ZYG11B: variants seen among roughly 807,000 people sequenced by gnomAD.
The protein encoded by ZYG11B is protein zyg-11 homolog B.
Under a neutral mutation model 82.4 loss-of-function variants are expected in ZYG11B, and 36 were observed. The ratio of observed to expected loss-of-function variants is 0.44; its 90% CI spans 0.33 to 0.58. ZYG11B has a LOEUF of 0.58. Ranked by LOEUF, ZYG11B falls within the 20% of genes least tolerant of loss-of-function variation. ZYG11B has a pLI of 0.02. For synonymous variants in ZYG11B, 303 were observed against 312.8 expected (o/e 0.97, Z 0.33); for missense variants, 552 against 895.6 (o/e 0.62, Z 4.90).
intron 4 of ZYG11B, among the ~76,000 whole-genome samples, chr1:52,783,814 A>ACACACACACACG (rs1309503962): frequency 4.1e-5 from 2 of 48,564 alleles, no homozygotes; most frequent in Admixed American, 2.7e-4. Context: ...ATACACACAC[A>ACACACACACACG]CGTATATGTA....
chr1:52,820,102 G>A (rs1645270515), intron 13 of ZYG11B, among the ~76,000 whole-genome samples: 1 of 150,692 alleles, frequency 6.6e-6, no homozygotes, highest in African/African-American at 2.4e-5. Flanking sequence ...TTTTAGTAGA[G>A]ACGGGGTTTC....
At chr1:52,819,927 T>A (rs969106795) in intron 13 of ZYG11B, among the ~76,000 whole-genome samples, 1 of 151,800 alleles carries the variant, frequency 6.6e-6, no homozygotes, top group African/African-American at 2.4e-5. Context: ...TTATTTTATT[T>A]TTTTTTTGAG....
rs1411025152 is a variant in ZYG11B at position 52,756,535 on chromosome 1, C to T, written c.108C>T (p.Ala36=). 3.7e-6 allele frequency: 6 copies of T among 1,613,960 alleles called. No homozygotes were observed. Among genetic ancestry groups the T allele is most frequent in the South Asian group, 1.1e-5 (1 of 91,078 alleles). ...LTTHLEKFCS[A]RQDGTLCLQE... ...CTCACCTTGAGAAGTTCTGTTCAGC[C>T]AGACAAGATGGAACATTGTGTCTGC... The change falls in exon 2 of 14, where the codon GCC becomes GCT. Residue 36 remains alanine, a synonymous_variant. Coordinates refer to ENST00000294353, the MANE Select transcript of ZYG11B (RefSeq NM_024646.3).
chr1:52,806,460 A>T (rs969171294), intron 10 of ZYG11B, among the ~76,000 whole-genome samples: 4 of 152,184 alleles, frequency 2.6e-5, no homozygotes, highest in Non-Finnish European at 4.4e-5. Context: ...TTCTCCTTAC[A>T]GTTCTATCAG....
intron 8 of ZYG11B, among the ~76,000 whole-genome samples, chr1:52,797,418 TTA>T (rs1553262190): frequency 1.1e-5 from 1 of 88,420 alleles, no homozygotes; most frequent in African/African-American, 5.2e-5. Context: ...ATATCATATA[TTA>T]TACATATTAT....
intron 3 of ZYG11B, chr1:52,772,745 T>G: frequency 4.8e-6 from 3 of 624,906 alleles, no homozygotes; most frequent in Non-Finnish European, 8.6e-6. Context: ...TGGCGCTATC[T>G]TGGCTCACTG....
intron 6 of ZYG11B, among the ~76,000 whole-genome samples, chr1:52,794,070 G>A (rs1644986127): frequency 6.6e-6 from 1 of 152,050 alleles, no homozygotes; most frequent in East Asian, 1.9e-4. Flanking sequence ...TGCCTCCCGG[G>A]TTCAAGTGAT....
intron 7 of ZYG11B, 63 bp from the exon 8 acceptor site, chr1:52,796,671 A>C: frequency 3.0e-6 from 4 of 1,333,292 alleles, no homozygotes; most frequent in Non-Finnish European, 4.2e-6. Flanking sequence ...AGGTACAGTG[A>C]ATGATATTAA....
chr1:52,764,802 T>A (rs1001378567), intron 2 of ZYG11B, among the ~76,000 whole-genome samples: 1 of 152,082 alleles, frequency 6.6e-6, no homozygotes, highest in African/African-American at 2.4e-5. Flanking sequence ...AGAGAAAGCT[T>A]CTAAAGTGGT....
At chr1:52,745,848 G>A (rs1489325799) in intron 1 of ZYG11B, among the ~76,000 whole-genome samples, 2 of 147,178 alleles carry the variant, frequency 1.4e-5, no homozygotes, top group Non-Finnish European at 3.0e-5. Flanking sequence ...ACAGGTGTGA[G>A]CCACTGCATC....
chr1:52,752,633 G>A (rs1571750868), intron 1 of ZYG11B, among the ~76,000 whole-genome samples: 1 of 152,150 alleles, frequency 6.6e-6, no homozygotes, highest in East Asian at 1.9e-4. Flanking sequence ...TAGTTCATTG[G>A]TCAGAAGTAC....
At chr1:52,776,269 G>A (rs1190848885) in intron 3 of ZYG11B, among the ~76,000 whole-genome samples, 13 of 89,996 alleles carry the variant, frequency 1.4e-4, no homozygotes, top group South Asian at 4.4e-4. Flanking sequence ...CTTAGAGCAC[G>A]CCTATAATCC....
chr1:52,781,060 T>A (rs1644852254), intron 4 of ZYG11B, among the ~76,000 whole-genome samples: 2 of 152,056 alleles, frequency 1.3e-5, no homozygotes, highest in Admixed American at 1.3e-4. Flanking sequence ...ATGAGGAACC[T>A]GGGAGGCCGA....
intron 10 of ZYG11B, among the ~76,000 whole-genome samples, chr1:52,811,757 G>T (rs533827892): frequency 2.0e-5 from 3 of 151,870 alleles, no homozygotes; most frequent in East Asian, 1.9e-4. Context: ...TTGGCCAGGC[G>T]CGGTGGCGCA....
intron 3 of ZYG11B, among the ~76,000 whole-genome samples, chr1:52,778,966 T>A (rs1280119844): frequency 2.0e-5 from 3 of 152,048 alleles, no homozygotes; most frequent in African/African-American, 7.2e-5. Context: ...GGTGAATGGA[T>A]CAATGTAGTG....
intron 10 of ZYG11B, among the ~76,000 whole-genome samples, chr1:52,809,972 G>T (rs534605019): frequency 1.3e-5 from 2 of 152,098 alleles, no homozygotes; most frequent in Non-Finnish European, 2.9e-5. Flanking sequence ...GGTAGTTTTT[G>T]ATTGAATGCC....
In ZYG11B at chr1:52,726,596, G is replaced by T. The variant is rs1571732679; in HGVS notation, c.-58G>T. On this transcript the variant is annotated 5_prime_UTR_variant, in exon 1 of 14. Coordinates refer to ENST00000294353, the MANE Select transcript of ZYG11B (RefSeq NM_024646.3). ...GGAGCCTCCTGGAGCCTCCGCGCCGGCTCAGCCTGGGGGCGGGCTCCGGTC... is the reference window on the plus strand; with the variant it reads ...GGAGCCTCCTGGAGCCTCCGCGCCGTCTCAGCCTGGGGGCGGGCTCCGGTC... The T allele has an allele frequency of 3.6e-6, 5 of 1,372,710 alleles. No homozygotes were observed. In the East Asian group the frequency reaches 1.5e-4, roughly 42 times the overall value. The allele number at this position is 1,372,710 out of a possible 1,614,324, so 85.0% of individuals were successfully genotyped here. A position where few individuals can be genotyped will look rare whatever the true frequency, so the allele number is the denominator to read the frequency against.
At chr1:52,811,013 G>C (rs1386177191) in intron 10 of ZYG11B, among the ~76,000 whole-genome samples, 1 of 143,372 alleles carries the variant, frequency 7.0e-6, no homozygotes, top group African/African-American at 2.7e-5. Context: ...CAGCCTGAGC[G>C]ACCGAGCAAG....
At chr1:52,777,232 A>G (rs1290093380) in intron 3 of ZYG11B, among the ~76,000 whole-genome samples, 1 of 152,152 alleles carries the variant, frequency 6.6e-6, no homozygotes, top group Non-Finnish European at 1.5e-5. Context: ...AAAAAAGAGA[A>G]AAGACGTAAA....
Sources: gnomAD v4.1 joint callset for allele counts (sites outside exome capture counted in the v4.1 genomes callset) on GRCh38, gnomAD v4.1.1 for gene constraint, MANE v1.5 for transcripts, NCBI Gene and HGNC (gene_info 2026-07-23, HGNC 2026-07-21) for gene names.